RNF141: variants seen among roughly 807,000 people sequenced by gnomAD.
The protein encoded by RNF141 is C3HC4-like zinc finger protein.
RNF141 carries 18 observed loss-of-function variants against 27.4 expected under a neutral mutation model. The ratio of observed to expected loss-of-function variants is 0.66; its 90% CI spans 0.45 to 0.97. The LOEUF is 0.97. Among genes scored for constraint, RNF141 ranks in the 50% least tolerant of loss-of-function variants. RNF141 has a pLI of 0.00. For missense variants in RNF141, 230 were observed against 279.4 expected (o/e 0.82, Z 1.26); for synonymous variants, 97 against 96.6 (o/e 1.00, Z -0.02).
chr11:10,520,291 T>A (rs1372186107), intron 4 of RNF141, among the ~76,000 whole-genome samples: 1 of 152,240 alleles, frequency 6.6e-6, no homozygotes, highest in Non-Finnish European at 1.5e-5. Context: ...AAACACACAT[T>A]ATACAGCTGT....
intron 4 of RNF141, among the ~76,000 whole-genome samples, chr11:10,524,266 T>C (rs1849912948): frequency 6.6e-6 from 1 of 151,996 alleles, no homozygotes; most frequent in Admixed American, 6.5e-5. Flanking sequence ...ATACAAAAAA[T>C]TAGCCGGGCG....
At chr11:10,532,318 C>G (rs541732475) in intron 2 of RNF141, among the ~76,000 whole-genome samples, 1 of 151,954 alleles carries the variant, frequency 6.6e-6, no homozygotes, top group African/African-American at 2.4e-5. Flanking sequence ...TTGCACACTA[C>G]CCTTTGGATA....
chr11:10,524,396 G>A (rs1398385446), intron 4 of RNF141, among the ~76,000 whole-genome samples: 3 of 151,452 alleles, frequency 2.0e-5, no homozygotes, highest in Non-Finnish European at 4.4e-5. Flanking sequence ...GCAAGACTCC[G>A]CCTCAATTAA....
At chr11:10,539,173 G>A (rs956718080) in intron 1 of RNF141, among the ~76,000 whole-genome samples, 1 of 152,154 alleles carries the variant, frequency 6.6e-6, no homozygotes, top group African/African-American at 2.4e-5. Flanking sequence ...ATGAATTGTG[G>A]AAGTTCAAAT....
intron 1 of RNF141, among the ~76,000 whole-genome samples, chr11:10,535,458 C>A: frequency 2.2e-5 from 2 of 92,684 alleles, no homozygotes; most frequent in East Asian, 2.2e-4. Flanking sequence ...GAGGAAGATC[C>A]AGGCCAAAAA....
chr11:10,523,013 T>C (rs945555546), intron 4 of RNF141, among the ~76,000 whole-genome samples: 4 of 152,120 alleles, frequency 2.6e-5, no homozygotes, highest in African/African-American at 7.2e-5. Context: ...AATGAAGCAA[T>C]AGGAAAAACT....
At chr11:10,525,159 A>G (rs1288163504) in intron 4 of RNF141, 33 bp downstream of exon 4, 4 of 1,434,092 alleles carry the variant, frequency 2.8e-6, no homozygotes, top group South Asian at 2.9e-5. Context: ...ATATTAGAAA[A>G]TAAGTGAAAT....
chr11:10,524,181 G>A (rs962890041), intron 4 of RNF141, among the ~76,000 whole-genome samples: 9 of 152,162 alleles, frequency 5.9e-5, no homozygotes, highest in South Asian at 2.1e-4. Context: ...CTGGGAGGCC[G>A]AGGAGGGCAG....
intron 5 of RNF141, chr11:10,518,486 A>C (rs532119589): frequency 1.6e-4 from 24 of 152,054 alleles, no homozygotes; most frequent in African/African-American, 5.5e-4. Context: ...GAAGCCAGAC[A>C]AAAAAAGCAC....
At chr11:10,533,983 G>A (rs748572607) in intron 2 of RNF141, 33 bp downstream of exon 2, 56 of 1,602,458 alleles carry the variant, frequency 3.5e-5, no homozygotes, top group Non-Finnish European at 4.7e-5. Flanking sequence ...TACAACAAGG[G>A]GAAAAACGAA....
chr11:10,516,781 C>G (rs11042868), intron 5 of RNF141: 5 of 151,966 alleles, frequency 3.3e-5, no homozygotes, highest in African/African-American at 4.8e-5. Flanking sequence ...AAGGGTCTTG[C>G]TATTAGTGGG....
At chr11:10,527,367 G>C (rs1849944772) in intron 3 of RNF141, among the ~76,000 whole-genome samples, 1 of 152,316 alleles carries the variant, frequency 6.6e-6, no homozygotes, top group African/African-American at 2.4e-5. Flanking sequence ...CAGAGAAGTT[G>C]ACATTTAAGA....
intron 1 of RNF141, among the ~76,000 whole-genome samples, chr11:10,537,983 T>A (rs1850052729): frequency 6.6e-6 from 1 of 152,234 alleles, no homozygotes; most frequent in Non-Finnish European, 1.5e-5. Flanking sequence ...TTCAATGTGC[T>A]TTTAACTCAA....
Position 10,534,145 on chromosome 11 carries a change from A to C in RNF141, c.14T>G (p.Ile5Ser). The C allele has an allele frequency of 6.2e-7, 1 of 1,613,056 alleles. No individual in the cohort carries two copies. The highest frequency in any genetic ancestry group is 2.2e-5 in the East Asian group (1 of 44,806). The stretch of plus-strand genomic sequence containing the variant: ...AATAACCAACTGTGTCTGATCCGAA[A>C]TTTGCTGTCCCATGATGAAAAGATG... MGQQ[I>S]SDQTQLVINK... The change falls in exon 2 of 6, where the codon ATT (isoleucine) becomes AGT (serine). Residue 5 changes from isoleucine (I) to serine (S), a missense_variant. Transcript: ENST00000265981.
chr11:10,521,304 G>A (rs1319417163), intron 4 of RNF141, among the ~76,000 whole-genome samples: 1 of 152,196 alleles, frequency 6.6e-6, no homozygotes, highest in African/African-American at 2.4e-5. Context: ...CATATTGATT[G>A]GCTGGCCTTT....
At position 10,540,451 on chromosome 11, in the gene RNF141, AC is replaced by A. The variant is rs549402261; in HGVS notation, c.-48+670del. Among the ~76,000 whole-genome samples the A allele has an allele frequency of 4.9e-3, 752 of 152,290 alleles. 4 individuals carry two copies. The highest frequency in any genetic ancestry group is 0.017 in the African/African-American group (705 of 41,562). Reference sequence around the variant, plus strand: ...TGAAGGAATAATTTCAAAAGCTAACACAGAAGCCTTCTGCTCCTGCTGTGTA... The same window carrying A: ...TGAAGGAATAATTTCAAAAGCTAACAAGAAGCCTTCTGCTCCTGCTGTGTA... On this transcript the variant is annotated intron_variant, in intron 1 of 5. Coordinates refer to ENST00000265981, the MANE Select transcript of RNF141 (RefSeq NM_016422.4).
intron 1 of RNF141, among the ~76,000 whole-genome samples, chr11:10,539,710 A>AGAGAGAGAGAGAGAGAGAGAGAGAGAGAG (rs1564870335): frequency 7.5e-6 from 1 of 132,848 alleles, no homozygotes; most frequent in African/African-American, 2.7e-5. Context: ...TAGAGAGAGA[A>AGAGAGAGAGAGAGAGAGAGAGAGAGAGAG]GGAGAGAGAA....
chr11:10,532,495 C>CTA (rs1849995157), intron 2 of RNF141, among the ~76,000 whole-genome samples: 1 of 79,128 alleles, frequency 1.3e-5, no homozygotes, highest in African/African-American at 4.4e-5. Flanking sequence ...AGTTCATTTT[C>CTA]TACACACACA....
intron 1 of RNF141, chr11:10,540,756 G>A (rs1037306135): frequency 6.6e-5 from 10 of 152,288 alleles, no homozygotes; most frequent in African/African-American, 2.4e-4. Flanking sequence ...AGCGCACCTG[G>A]ACATTTAACC....
Sources: gnomAD v4.1 joint callset for allele counts (sites outside exome capture counted in the v4.1 genomes callset) on GRCh38, gnomAD v4.1.1 for gene constraint, MANE v1.5 for transcripts, NCBI Gene and HGNC (gene_info 2026-07-23, HGNC 2026-07-21) for gene names.